ADK: variants seen among roughly 807,000 people sequenced by gnomAD.
The protein encoded by ADK is N6,N6-dimethyladenosine kinase.
ADK carries 24 observed loss-of-function variants against 44.7 expected under a neutral mutation model. The ratio of observed to expected loss-of-function variants is 0.54; its 90% CI spans 0.39 to 0.76. ADK has a LOEUF of 0.76. Among genes scored for constraint, ADK ranks in the 30% least tolerant of loss-of-function variants. ADK has a pLI of 0.00. For synonymous variants in ADK, 128 were observed against 142.6 expected, an observed-to-expected ratio of 0.90 and a Z score of 0.73; for missense variants, 321 against 425.1, an observed-to-expected ratio of 0.76 and a Z score of 2.15.
chr10:74,311,374 G>T (rs182033434), intron 3 of ADK, among the ~76,000 whole-genome samples: 2 of 152,130 alleles, frequency 1.3e-5, no homozygotes, highest in Admixed American at 1.3e-4. Flanking sequence ...CTTATTTGAA[G>T]ACTTCTAATT....
rs188711862 is a variant in ADK at position 74,166,146 on chromosome 10, G to A, written c.65+14803G>A. ...GTAGAGACGGGGTTTCACTGTGTTG[G>A]CCTGGCTGGTCTTGAAGTTCCAACC... On this transcript the variant is annotated intron_variant, in intron 1 of 10. Coordinates refer to ENST00000539909, the MANE Select transcript of ADK (RefSeq NM_006721.4). Among the ~76,000 whole-genome samples the A allele has an allele frequency of 4.6e-5, 7 of 152,228 alleles. No homozygotes were observed. The East Asian group carries it at 1.2e-3, about 25-fold the overall frequency.
intron 6 of ADK, among the ~76,000 whole-genome samples, chr10:74,447,878 T>C (rs1845639167): frequency 1.3e-5 from 2 of 152,016 alleles, no homozygotes; most frequent in African/African-American, 2.4e-5. Context: ...AGTTGGAGCT[T>C]AAGATTTAGG....
chr10:74,438,741 C>G (rs1845281956), intron 6 of ADK, among the ~76,000 whole-genome samples: 1 of 151,992 alleles, frequency 6.6e-6, no homozygotes, highest in African/African-American at 2.4e-5. Flanking sequence ...CTCCTTTACC[C>G]CCTCTTTTTA....
chr10:74,695,826 G>A (rs1379394741), intron 10 of ADK, among the ~76,000 whole-genome samples: 1 of 151,844 alleles, frequency 6.6e-6, no homozygotes, highest in African/African-American at 2.4e-5. Flanking sequence ...TTTTTGTAGA[G>A]CCGAGGTTTC....
chr10:74,284,845 T>A (rs1847097984), intron 3 of ADK, among the ~76,000 whole-genome samples: 1 of 152,252 alleles, frequency 6.6e-6, no homozygotes, highest in Non-Finnish European at 1.5e-5. Context: ...TCTTTTACAA[T>A]GCTATAGGAG....
At chr10:74,309,851 T>C (rs1210564435) in intron 3 of ADK, among the ~76,000 whole-genome samples, 1 of 152,174 alleles carries the variant, frequency 6.6e-6, no homozygotes, top group African/African-American at 2.4e-5. Flanking sequence ...TCCCGTATTA[T>C]ATTTCAGCTT....
In ADK at chr10:74,694,952, C is replaced by CT. The variant is rs970325959; in HGVS notation, c.965-13358dup. On this transcript the variant is annotated intron_variant, in intron 10 of 10. Transcript: ENST00000539909. ...TTAACTCATTGATAGACCTGGAATT[C>CT]TTTTTTTTTTTAATATAGAGTGAGG... Among the ~76,000 whole-genome samples, 1,266 of 144,916 alleles carry CT rather than the reference C, an allele frequency of 8.7e-3. 8 individuals are homozygous for CT. Among genetic ancestry groups the CT allele is most frequent in the African/African-American group, 0.027 (1,071 of 39,744 alleles).
intron 6 of ADK, among the ~76,000 whole-genome samples, chr10:74,444,995 G>A (rs1347995173): frequency 6.6e-6 from 1 of 151,888 alleles, no homozygotes; most frequent in Non-Finnish European, 1.5e-5. Context: ...TAAAAACATG[G>A]TAGAATTTAT....
intron 4 of ADK, among the ~76,000 whole-genome samples, chr10:74,317,338 T>C (rs1307385139): frequency 6.6e-6 from 1 of 152,066 alleles, no homozygotes; most frequent in Admixed American, 6.5e-5. Flanking sequence ...CTTGCTTAAG[T>C]TTGATAATTG....
intron 3 of ADK, among the ~76,000 whole-genome samples, chr10:74,277,684 C>G (rs1846753763): frequency 6.6e-6 from 1 of 152,154 alleles, no homozygotes. Flanking sequence ...CAGGTGTGAG[C>G]CACCGCGCCC....
At chr10:74,460,286 C>T (rs1479522639) in intron 6 of ADK, among the ~76,000 whole-genome samples, 1 of 152,170 alleles carries the variant, frequency 6.6e-6, no homozygotes, top group Non-Finnish European at 1.5e-5. Context: ...TTGACATAAA[C>T]TGTGTTATCC....
chr10:74,270,796 G>A (rs1195147861), intron 3 of ADK, among the ~76,000 whole-genome samples: 1 of 152,290 alleles, frequency 6.6e-6, no homozygotes, highest in Admixed American at 6.5e-5. Flanking sequence ...AACATTATAG[G>A]TCCTGCTGAT....
At chr10:74,325,158 C>A (rs1840963081) in intron 4 of ADK, among the ~76,000 whole-genome samples, 1 of 151,960 alleles carries the variant, frequency 6.6e-6, no homozygotes, top group African/African-American at 2.4e-5. Context: ...TCTTTAATTT[C>A]TTTCATCAGC....
At chr10:74,594,685 AAGAAT>A (rs1409438411) in intron 8 of ADK, among the ~76,000 whole-genome samples, 7 of 151,894 alleles carry the variant, frequency 4.6e-5, no homozygotes, top group African/African-American at 1.7e-4. Flanking sequence ...AAAAAAAAAA[AAGAAT>A]GAAGAGAGTA....
intron 3 of ADK, among the ~76,000 whole-genome samples, chr10:74,227,132 C>A (rs1437369437): frequency 1.3e-5 from 2 of 152,060 alleles, no homozygotes; most frequent in Non-Finnish European, 2.9e-5. Context: ...AACTCACCTG[C>A]TGTATTAAAA....
At chr10:74,219,603 GA>G (rs1367127905) in intron 2 of ADK, among the ~76,000 whole-genome samples, 3 of 152,030 alleles carry the variant, frequency 2.0e-5, no homozygotes, top group African/African-American at 7.2e-5. Flanking sequence ...TTCCAAAATT[GA>G]ACACATAGTT....
intron 7 of ADK, among the ~76,000 whole-genome samples, chr10:74,544,417 T>TC (rs1849753645): frequency 6.6e-6 from 1 of 152,222 alleles, no homozygotes; most frequent in Non-Finnish European, 1.5e-5. Context: ...GGACTTGATA[T>TC]ATTTTTTACT....
At chr10:74,257,167 A>G (rs907351933) in intron 3 of ADK, among the ~76,000 whole-genome samples, 2 of 148,542 alleles carry the variant, frequency 1.3e-5, no homozygotes, top group African/African-American at 2.5e-5. Flanking sequence ...TTCAGTATAC[A>G]TGGGCGGGTG....
chr10:74,324,649 C>T (rs1195436962), intron 4 of ADK, among the ~76,000 whole-genome samples: 2 of 152,076 alleles, frequency 1.3e-5, no homozygotes, highest in African/African-American at 4.8e-5. Context: ...TTTATTCATT[C>T]ATTCATTGCC....
Sources: gnomAD v4.1 joint callset for allele counts (sites outside exome capture counted in the v4.1 genomes callset) on GRCh38, gnomAD v4.1.1 for gene constraint, MANE v1.5 for transcripts, NCBI Gene and HGNC (gene_info 2026-07-23, HGNC 2026-07-21) for gene names.